The following TBC1D22A variants were observed in gnomAD, a reference collection of about 807,000 sequenced individuals.
TBC1D22A encodes the protein TBC1 domain family member 22A, also known as putative GTPase activator.
In TBC1D22A, 38 loss-of-function variants were observed where a neutral mutation model predicts 60.2. That is an observed-to-expected ratio of 0.63 (90% CI 0.49 to 0.83). The LOEUF (loss-of-function observed/expected upper bound fraction) is 0.83. Ranked by LOEUF, TBC1D22A falls within the 40% of genes least tolerant of loss-of-function variation. TBC1D22A has a pLI of 0.00. For synonymous variants in TBC1D22A, 302 were observed against 281.7 expected (o/e 1.07, Z -0.72); for missense variants, 628 against 701.0 (o/e 0.90, Z 1.18).
chr22:47,126,716 A>G (rs987941963), intron 12 of TBC1D22A, among the ~76,000 whole-genome samples: 3 of 152,206 alleles, frequency 2.0e-5, no homozygotes, highest in African/African-American at 7.2e-5. Flanking sequence ...TGGGAAGCCC[A>G]GGGACCCTGT....
chr22:47,073,673 G>T (rs1212705776), intron 11 of TBC1D22A, among the ~76,000 whole-genome samples: 1 of 152,170 alleles, frequency 6.6e-6, no homozygotes, highest in Non-Finnish European at 1.5e-5. Flanking sequence ...CAGACCCCAG[G>T]GCAGGCAGCA....
chr22:47,036,750 A>G (rs2062669494), intron 10 of TBC1D22A, among the ~76,000 whole-genome samples: 1 of 152,112 alleles, frequency 6.6e-6, no homozygotes, highest in African/African-American at 2.4e-5. Flanking sequence ...AAGAGCGCCT[A>G]TCTGTGGAGC....
intron 8 of TBC1D22A, among the ~76,000 whole-genome samples, chr22:46,956,904 G>A (rs756760209): frequency 2.6e-5 from 4 of 152,210 alleles, no homozygotes; most frequent in Non-Finnish European, 5.9e-5. Flanking sequence ...TTAGGCTGGG[G>A]CCAGATCCGG....
chr22:46,994,387 C>A (rs1394940785), intron 9 of TBC1D22A, among the ~76,000 whole-genome samples: 1 of 152,180 alleles, frequency 6.6e-6, no homozygotes, highest in East Asian at 1.9e-4. Context: ...GTGCAAGGGG[C>A]TGAACCCACC....
intron 12 of TBC1D22A, among the ~76,000 whole-genome samples, chr22:47,161,165 C>A (rs1184892752): frequency 2.6e-5 from 4 of 152,136 alleles, no homozygotes; most frequent in Non-Finnish European, 5.9e-5. Context: ...GAGACGGTGC[C>A]TGGATTGTCT....
intron 12 of TBC1D22A, among the ~76,000 whole-genome samples, chr22:47,151,318 G>A (rs1033662912): frequency 2.0e-5 from 3 of 152,224 alleles, no homozygotes; most frequent in African/African-American, 7.2e-5. Flanking sequence ...CACTCACGCA[G>A]AACCGACCTT....
At chr22:46,776,382 G>C (rs1418359981) in intron 1 of TBC1D22A, among the ~76,000 whole-genome samples, 1 of 134,088 alleles carries the variant, frequency 7.5e-6, no homozygotes, top group Non-Finnish European at 1.7e-5. Context: ...GGAAGCAGTG[G>C]GCATAGTTGT....
chr22:47,145,087 T>C (rs996018042), intron 12 of TBC1D22A, among the ~76,000 whole-genome samples: 8 of 152,202 alleles, frequency 5.3e-5, no homozygotes, highest in Admixed American at 2.0e-4. Flanking sequence ...TCTCCCCTTA[T>C]TCTCACAGCA....
intron 8 of TBC1D22A, among the ~76,000 whole-genome samples, chr22:46,923,186 A>G (rs945133337): frequency 1.3e-5 from 2 of 152,242 alleles, no homozygotes; most frequent in Non-Finnish European, 2.9e-5. Context: ...GAAGCAATTA[A>G]AATACTTGGC....
intron 11 of TBC1D22A, among the ~76,000 whole-genome samples, chr22:47,079,025 T>TACTTTACG (rs1243690245): frequency 6.6e-6 from 1 of 151,994 alleles, no homozygotes; most frequent in Non-Finnish European, 1.5e-5. Context: ...AAGAGAGCGC[T>TACTTTACG]ACTTTACGTG....
intron 10 of TBC1D22A, among the ~76,000 whole-genome samples, chr22:47,006,872 G>T (rs2061609664): frequency 6.6e-6 from 1 of 152,154 alleles, no homozygotes; most frequent in Non-Finnish European, 1.5e-5. Flanking sequence ...CCAGTTCTTG[G>T]TGCTGCTCAG....
intron 11 of TBC1D22A, among the ~76,000 whole-genome samples, chr22:47,057,902 A>G (rs75619694): frequency 0.025 from 3,806 of 152,290 alleles, 135 homozygotes; most frequent in African/African-American, 0.084. Flanking sequence ...AAATGCAACT[A>G]CACTTGTAAA....
intron 8 of TBC1D22A, among the ~76,000 whole-genome samples, chr22:46,931,514 G>A (rs6009062): frequency 0.12 from 17,562 of 152,120 alleles, 2,185 homozygotes; most frequent in African/African-American, 0.31. Flanking sequence ...TAATATCCAG[G>A]AACTTGAGTA....
At chr22:46,925,328 C>T (rs943134308) in intron 8 of TBC1D22A, among the ~76,000 whole-genome samples, 1 of 152,218 alleles carries the variant, frequency 6.6e-6, no homozygotes, top group Admixed American at 6.5e-5. Context: ...TCTAGACCCA[C>T]GTGAGACAAG....
chr22:46,978,375 T>A (rs969419787), intron 9 of TBC1D22A, among the ~76,000 whole-genome samples: 1 of 152,268 alleles, frequency 6.6e-6, no homozygotes, highest in African/African-American at 2.4e-5. Flanking sequence ...TCCCATTACA[T>A]ATTATTATAA....
intron 9 of TBC1D22A, among the ~76,000 whole-genome samples, chr22:46,992,565 G>A (rs542143542): frequency 5.2e-5 from 8 of 152,388 alleles, no homozygotes; most frequent in South Asian, 2.1e-4. Flanking sequence ...AGGACTCTCC[G>A]GGGATAGCAT....
intron 4 of TBC1D22A, among the ~76,000 whole-genome samples, chr22:46,854,502 T>C (rs1390538097): frequency 6.6e-6 from 1 of 152,216 alleles, no homozygotes; most frequent in Non-Finnish European, 1.5e-5. Context: ...TTTTGGCCTT[T>C]CTTTTTCCCC....
chr22:46,851,932 C>T (rs901444170), intron 4 of TBC1D22A, among the ~76,000 whole-genome samples: 1 of 152,228 alleles, frequency 6.6e-6, no homozygotes. Context: ...CTGGTGGCAG[C>T]AAGCCAGTGG....
intron 10 of TBC1D22A, 24 bp from the exon 11 acceptor site, chr22:47,037,046 TG>T: frequency 6.2e-7 from 1 of 1,612,448 alleles, no homozygotes; most frequent in South Asian, 1.1e-5. Context: ...CTGACAGCCT[TG>T]GGGCCTGTGT....
Sources: gnomAD v4.1 joint callset for allele counts (sites outside exome capture counted in the v4.1 genomes callset) on GRCh38, gnomAD v4.1.1 for gene constraint, MANE v1.5 for transcripts, NCBI Gene and HGNC (gene_info 2026-07-23, HGNC 2026-07-21) for gene names.